The following FBXW7 variants were observed in gnomAD, a reference collection of about 807,000 sequenced individuals.
FBXW7 encodes F-box and WD repeat domain containing 7, also known as F-box/WD repeat-containing protein 7.
A neutral mutation model predicts 86.3 loss-of-function variants in FBXW7; 11 were observed. The observed-to-expected ratio is 0.13, with a 90% confidence interval of 0.08 to 0.21. The LOEUF (loss-of-function observed/expected upper bound fraction) is 0.21. Among genes scored for constraint, FBXW7 ranks in the 10% least tolerant of loss-of-function variants. The probability of loss-of-function intolerance (pLI) is 1.00; values close to 1 mark genes in which losing one functional copy is unlikely to be tolerated. For synonymous variants in FBXW7, 313 were observed against 297.9 expected, an observed-to-expected ratio of 1.05 and a Z score of -0.52; for missense variants, 488 against 847.4, an observed-to-expected ratio of 0.58 and a Z score of 5.27.
rs1728544078 is a variant in FBXW7, at chr4:152,321,378, A to G, written c.*1503T>C. 1 of 232,884 alleles carries G rather than the reference A, an allele frequency of 4.3e-6. No individual in the cohort carries two copies. The highest frequency in any genetic ancestry group is 2.2e-5 in the African/African-American group (1 of 45,314). The allele number at this position is 232,884 out of a possible 1,614,324, so 14.4% of individuals were successfully genotyped here. On this transcript the variant is annotated 3_prime_UTR_variant, in exon 14 of 14. Transcript: ENST00000281708. ...TTCCTCCATCATGTCAGGTTGTTAC[A>G]TAACTAAAATTAACCAACTTGAATC...
intron 2 of FBXW7, among the ~76,000 whole-genome samples, chr4:152,414,815 T>C (rs1738282971): frequency 1.3e-5 from 2 of 152,064 alleles, no homozygotes; most frequent in African/African-American, 4.8e-5. Flanking sequence ...CCATTCTGGA[T>C]GAAAAAGAGG....
At chr4:152,406,179 T>C (rs1040688810) in intron 4 of FBXW7, among the ~76,000 whole-genome samples, 3 of 152,268 alleles carry the variant, frequency 2.0e-5, no homozygotes, top group Non-Finnish European at 4.4e-5. Context: ...GATATTTGTG[T>C]ATACTTCAGT....
chr4:152,478,184 T>C (rs1363118107), intron 2 of FBXW7, among the ~76,000 whole-genome samples: 1 of 152,088 alleles, frequency 6.6e-6, no homozygotes, highest in African/African-American at 2.4e-5. Flanking sequence ...TCCAGAACTT[T>C]TCATCATTCC....
chr4:152,516,937 T>C (rs1171034653), intron 2 of FBXW7, among the ~76,000 whole-genome samples: 1 of 152,130 alleles, frequency 6.6e-6, no homozygotes, highest in Non-Finnish European at 1.5e-5. Context: ...GCAATCCTCC[T>C]GCCTCAGCCT....
chr4:152,514,444 G>A (rs529145182), intron 2 of FBXW7, among the ~76,000 whole-genome samples: 1 of 152,280 alleles, frequency 6.6e-6, no homozygotes, highest in East Asian at 1.9e-4. Context: ...GAGATTCTCA[G>A]GGGTGGGGAG....
chr4:152,360,814 AAAAATATATT>A lies in FBXW7; in HGVS notation c.502-10700_502-10691del, dbSNP rs1056402549. Among the ~76,000 whole-genome samples, 874 of 148,778 alleles carry A rather than the reference AAAAATATATT, an allele frequency of 5.9e-3. 16 individuals are homozygous for A. Among genetic ancestry groups the A allele is most frequent in the Non-Finnish European group, 5.0e-3 (334 of 67,270 alleles). On this transcript the variant is annotated intron_variant, in intron 4 of 13. Coordinates refer to ENST00000281708, the MANE Select transcript of FBXW7 (RefSeq NM_001349798.2). ...TGTGTATGCATAGAGAAAAGCCTAG[AAAAATATATT>A]AAAATATATTAAATATATATATATA...
At chr4:152,510,997 G>A (rs2149713999) in intron 2 of FBXW7, among the ~76,000 whole-genome samples, 1 of 151,158 alleles carries the variant, frequency 6.6e-6, no homozygotes, top group Admixed American at 6.6e-5. Context: ...AGGCTAGAGT[G>A]CAGTGATCAC....
intron 4 of FBXW7, among the ~76,000 whole-genome samples, chr4:152,408,839 T>G (rs1020544874): frequency 3.9e-5 from 6 of 152,232 alleles, no homozygotes; most frequent in African/African-American, 1.4e-4. Flanking sequence ...ATTCGGCCTC[T>G]CTGTAACTTT....
At chr4:152,514,639 T>C (rs1427699717) in intron 2 of FBXW7, among the ~76,000 whole-genome samples, 2 of 152,136 alleles carry the variant, frequency 1.3e-5, no homozygotes, top group African/African-American at 4.8e-5. Context: ...TAAGTTCTCA[T>C]GAGAACTGAT....
At chr4:152,323,888 C>T (rs558003861) in intron 13 of FBXW7, 6 of 256,426 alleles carry the variant, frequency 2.3e-5, no homozygotes, top group African/African-American at 4.5e-5. Context: ...ATAATGAGTA[C>T]GTTGCTTCTA....
At position 152,322,741 on chromosome 4, in the gene FBXW7, A is replaced by C. The variant is rs886724954; in HGVS notation, c.*140T>G. The C allele has an allele frequency of 7.2e-7, 1 of 1,384,920 alleles. No individual in the cohort carries two copies. Among genetic ancestry groups the C allele is most frequent in the African/African-American group, 1.5e-5 (1 of 68,942 alleles). The allele number at this position is 1,384,920 out of a possible 1,614,324, so 85.8% of individuals were successfully genotyped here. On this transcript the variant is annotated 3_prime_UTR_variant, in exon 14 of 14. Transcript: ENST00000281708. The stretch of plus-strand genomic sequence containing the variant: ...TCCTTCTTAGTCTGTAGGTCTTTTC[A>C]ATCTGTTGCCCCAAGCCAACATCCT...
chr4:152,343,615 C>T (rs969282082), intron 6 of FBXW7, among the ~76,000 whole-genome samples: 1 of 152,064 alleles, frequency 6.6e-6, no homozygotes, highest in Non-Finnish European at 1.5e-5. Context: ...CTTCTGAATA[C>T]AAATTTCAAT....
intron 2 of FBXW7, among the ~76,000 whole-genome samples, chr4:152,443,193 C>T (rs1378199988): frequency 2.0e-5 from 3 of 152,066 alleles, no homozygotes; most frequent in African/African-American, 7.2e-5. Flanking sequence ...ACCCGGGAGG[C>T]GGAGGTTGTG....
intron 2 of FBXW7, among the ~76,000 whole-genome samples, chr4:152,435,265 G>C (rs758589293): frequency 6.6e-6 from 1 of 152,104 alleles, no homozygotes; most frequent in African/African-American, 2.4e-5. Context: ...TTTTGTATCT[G>C]AAATACTTCC....
chr4:152,486,810 C>T (rs1745384349), intron 2 of FBXW7, among the ~76,000 whole-genome samples: 1 of 151,984 alleles, frequency 6.6e-6, no homozygotes, highest in Non-Finnish European at 1.5e-5. Flanking sequence ...GTATTATGTA[C>T]TGTACACAAT....
At chr4:152,481,081 C>T (rs1744836995) in intron 2 of FBXW7, among the ~76,000 whole-genome samples, 1 of 152,134 alleles carries the variant, frequency 6.6e-6, no homozygotes. Context: ...AAGTCAATAC[C>T]TGGCTTCCAA....
At chr4:152,484,943 C>T (rs534237842) in intron 2 of FBXW7, among the ~76,000 whole-genome samples, 1 of 126,148 alleles carries the variant, frequency 7.9e-6, no homozygotes, top group Non-Finnish European at 1.6e-5. Flanking sequence ...GTGTGGGTGA[C>T]AGAGCGAGAC....
At chr4:152,530,957 C>T (rs1488495404) in intron 2 of FBXW7, 1 of 152,208 alleles carries the variant, frequency 6.6e-6, no homozygotes, top group South Asian at 2.1e-4. Flanking sequence ...TTTCTCTACA[C>T]AATGAGATGT....
At chr4:152,506,346 T>C (rs1560979509) in intron 2 of FBXW7, among the ~76,000 whole-genome samples, 2 of 152,122 alleles carry the variant, frequency 1.3e-5, no homozygotes, top group Admixed American at 1.3e-4. Flanking sequence ...TTAGCCAGGA[T>C]GGTCTCAATC....
Sources: gnomAD v4.1 joint callset for allele counts (sites outside exome capture counted in the v4.1 genomes callset) on GRCh38, gnomAD v4.1.1 for gene constraint, MANE v1.5 for transcripts, NCBI Gene and HGNC (gene_info 2026-07-23, HGNC 2026-07-21) for gene names.